MALRD1: variants seen among roughly 807,000 people sequenced by gnomAD.
The protein encoded by MALRD1 is MAM and LDL-receptor class A domain-containing protein 1.
MALRD1 carries 247 observed loss-of-function variants against 242.1 expected under a neutral mutation model. The ratio of observed to expected loss-of-function variants is 1.02; its 90% CI spans 0.92 to 1.13. The LOEUF is 1.13. Ranked by LOEUF, MALRD1 falls within the 50% of genes most tolerant of loss-of-function variation. The pLI is 0.00. For missense variants in MALRD1, 2,989 were observed against 2,533.1 expected (o/e 1.18, Z -3.86); for synonymous variants, 995 against 866.6 (o/e 1.15, Z -2.60).
intron 32 of MALRD1, among the ~76,000 whole-genome samples, chr10:19,532,350 G>A (rs1834452636): frequency 6.6e-6 from 1 of 152,104 alleles, no homozygotes; most frequent in Non-Finnish European, 1.5e-5. Context: ...CGCCTCCCAG[G>A]TTCAAGTGAT....
At chr10:19,376,815 A>G (rs1845628055) in intron 26 of MALRD1, among the ~76,000 whole-genome samples, 1 of 151,836 alleles carries the variant, frequency 6.6e-6, no homozygotes, top group Non-Finnish European at 1.5e-5. Context: ...CTGACAGTAA[A>G]TGATCTGACC....
chr10:19,562,298 T>TAGATAGAC (rs1438230993), intron 32 of MALRD1, among the ~76,000 whole-genome samples: 47 of 7,240 alleles, frequency 6.5e-3, no homozygotes, highest in African/African-American at 0.026. Context: ...CTGTCTTAGG[T>TAGATAGAC]AGATAGATAG....
In MALRD1 at chr10:19,689,066, T is replaced by A. The variant is rs115707142; in HGVS notation, c.6138-3216T>A. ...AAAAATATATATTTATGTGTACACA[T>A]ACAAGGAGATAATTTCTAAAAATAA... On this transcript the variant is annotated intron_variant, in intron 36 of 39. Transcript: ENST00000454679. Among the ~76,000 whole-genome samples, 1,068 of 152,302 alleles carry A rather than the reference T, an allele frequency of 7.0e-3. 10 individuals carry two copies. Among genetic ancestry groups the A allele is most frequent in the African/African-American group, 0.015 (629 of 41,558 alleles).
intron 26 of MALRD1, among the ~76,000 whole-genome samples, chr10:19,367,500 T>C (rs1264216932): frequency 1.3e-5 from 2 of 152,160 alleles, no homozygotes; most frequent in East Asian, 3.9e-4. Context: ...CACATTTTCT[T>C]TATCCATTCA....
intron 26 of MALRD1, among the ~76,000 whole-genome samples, chr10:19,369,137 A>G (rs1447140154): frequency 1.6e-5 from 2 of 121,276 alleles, no homozygotes; most frequent in Admixed American, 8.6e-5. Context: ...TTAATTATTT[A>G]AATTTAATAT....
Position 19,267,484 on chromosome 10 carries a change from C to T in MALRD1, c.3079+9713C>T, listed in dbSNP as rs987223836. Among the ~76,000 whole-genome samples, 6 of 152,012 alleles carry T rather than the reference C, an allele frequency of 3.9e-5. No homozygotes were observed. In the East Asian group the frequency reaches 5.8e-4, roughly 15 times the overall value. Reference sequence around the variant, plus strand: ...TGATTACATTTTTGGCATCCCTTCTCGTTAGCCTCAGTGTCTCACCAGCTT... The same window carrying T: ...TGATTACATTTTTGGCATCCCTTCTTGTTAGCCTCAGTGTCTCACCAGCTT... On this transcript the variant is annotated intron_variant, in intron 19 of 39. Coordinates refer to ENST00000454679, the MANE Select transcript of MALRD1 (RefSeq NM_001142308.3).
chr10:19,509,660 T>G (rs1234868973), intron 31 of MALRD1, among the ~76,000 whole-genome samples: 2 of 152,164 alleles, frequency 1.3e-5, no homozygotes, highest in Non-Finnish European at 2.9e-5. Context: ...TTGTTCTCTT[T>G]GTGTTTTTGT....
intron 28 of MALRD1, among the ~76,000 whole-genome samples, chr10:19,428,067 C>G (rs1408558009): frequency 3.3e-5 from 5 of 150,420 alleles, no homozygotes; most frequent in Non-Finnish European, 5.9e-5. Flanking sequence ...ATCAACGTTC[C>G]CACCTTGTGG....
At chr10:19,288,399 A>AT (rs1462494580) in intron 21 of MALRD1, among the ~76,000 whole-genome samples, 1 of 151,748 alleles carries the variant, frequency 6.6e-6, no homozygotes, top group African/African-American at 2.4e-5. Context: ...CATTCTTTCT[A>AT]TTTTTTATAT....
chr10:19,246,517 T>C (rs1417222189), intron 18 of MALRD1, among the ~76,000 whole-genome samples: 2 of 152,138 alleles, frequency 1.3e-5, no homozygotes, highest in East Asian at 1.9e-4. Context: ...TCTGACCTAA[T>C]GCTTTAAAGG....
chr10:19,237,485 C>G (rs1201104007), intron 18 of MALRD1, among the ~76,000 whole-genome samples: 1 of 125,416 alleles, frequency 8.0e-6, no homozygotes, highest in Non-Finnish European at 1.6e-5. Context: ...TTTTTTATGG[C>G]TGAATAGTAT....
intron 5 of MALRD1, among the ~76,000 whole-genome samples, chr10:19,104,407 T>G (rs1437671223): frequency 6.6e-6 from 1 of 152,186 alleles, no homozygotes; most frequent in Non-Finnish European, 1.5e-5. Flanking sequence ...CTCCATAGAC[T>G]TGAAATTGTC....
At chr10:19,633,186 G>A (rs760875760) in intron 36 of MALRD1, among the ~76,000 whole-genome samples, 26 of 152,164 alleles carry the variant, frequency 1.7e-4, no homozygotes, top group East Asian at 5.8e-4. Context: ...AGCCAAGATC[G>A]TGACACTGCA....
At chr10:19,228,538 G>A (rs2131686089) in intron 18 of MALRD1, among the ~76,000 whole-genome samples, 1 of 152,324 alleles carries the variant, frequency 6.6e-6, no homozygotes, top group South Asian at 2.1e-4. Context: ...TTTACTGTGT[G>A]TACATTATAC....
intron 21 of MALRD1, among the ~76,000 whole-genome samples, chr10:19,321,406 C>G (rs1842911425): frequency 6.6e-6 from 1 of 152,048 alleles, no homozygotes; most frequent in Non-Finnish European, 1.5e-5. Context: ...TTCCCAACTC[C>G]CATTCCTACT....
At chr10:19,244,858 T>C (rs537422617) in intron 18 of MALRD1, among the ~76,000 whole-genome samples, 7 of 152,258 alleles carry the variant, frequency 4.6e-5, no homozygotes, top group African/African-American at 1.7e-4. Flanking sequence ...ATCCCAGCCT[T>C]GGGTATAAAT....
Position 19,245,697 on chromosome 10 carries a change from T to A in MALRD1, c.2992-11987T>A, listed in dbSNP as rs577261851. On this transcript the variant is annotated intron_variant, in intron 18 of 39. Transcript: ENST00000454679. The stretch of plus-strand genomic sequence containing the variant: ...TAATTATCAGAAAAACCTAAAGTCT[T>A]CCCTACAAACACCAATATCAAAAGC... Among the ~76,000 whole-genome samples the A allele has an allele frequency of 6.6e-5, 10 of 152,268 alleles. 1 individual carries two copies. The South Asian group carries it at 2.1e-3, about 32-fold the overall frequency.
At chr10:19,067,452 C>T (rs192775328) in intron 2 of MALRD1, among the ~76,000 whole-genome samples, 2 of 152,128 alleles carry the variant, frequency 1.3e-5, no homozygotes, top group East Asian at 1.9e-4. Flanking sequence ...TAGGTTTACA[C>T]GTGGTAGAAA....
intron 38 of MALRD1, among the ~76,000 whole-genome samples, chr10:19,727,065 T>C (rs1835061165): frequency 6.6e-6 from 1 of 152,208 alleles, no homozygotes; most frequent in African/African-American, 2.4e-5. Flanking sequence ...AATTGTATAC[T>C]TGAAATGGTT....
Sources: allele counts gnomAD v4.1 joint callset (sites outside exome capture counted in the v4.1 genomes callset), GRCh38; gene constraint gnomAD v4.1.1; transcripts MANE v1.5; gene names NCBI Gene and HGNC (gene_info 2026-07-23, HGNC 2026-07-21).